The following ASPH variants were observed in gnomAD, a reference collection of about 807,000 sequenced individuals.
ASPH encodes aspartate beta-hydroxylase, also known as aspartyl/asparaginyl beta-hydroxylase.
A neutral mutation model predicts 118.4 loss-of-function variants in ASPH; 100 were observed. The ratio of observed to expected loss-of-function variants is 0.84; its 90% CI spans 0.72 to 1.00. The LOEUF is 1.00. Among genes scored for constraint, ASPH ranks in the 50% least tolerant of loss-of-function variants. ASPH has a pLI of 0.00. For synonymous variants in ASPH, 315 were observed against 325.6 expected (o/e 0.97, Z 0.35); for missense variants, 920 against 919.5 (o/e 1.00, Z -0.01).
At chr8:61,700,453 T>C (rs996848682) in intron 1 of ASPH, among the ~76,000 whole-genome samples, 29 of 152,328 alleles carry the variant, frequency 1.9e-4, no homozygotes, top group African/African-American at 7.0e-4. Context: ...GTCCCAAAGA[T>C]GGTCAAGATC....
chr8:61,565,801 G>C (rs1177404912), intron 17 of ASPH, among the ~76,000 whole-genome samples: 1 of 152,234 alleles, frequency 6.6e-6, no homozygotes, highest in Non-Finnish European at 1.5e-5. Context: ...TACACCTACT[G>C]TGTTGTTAGG....
rs1376097349 is a variant in ASPH at position 61,562,895 on chromosome 8, A to T, written c.1301-15T>A. 6.4e-7 allele frequency: 1 copy of T among 1,559,586 alleles called. No homozygotes were observed. The highest frequency in any genetic ancestry group is 8.6e-7 in the Non-Finnish European group (1 of 1,160,110). ...TCTCATATGACCTGAGTAGGTGGGA[A>T]TTTAAAAAAAATAGAAATAAAAACA... On this transcript the variant is annotated splice_polypyrimidine_tract_variant and intron_variant, in intron 17 of 24. Transcript: ENST00000379454.
intron 1 of ASPH, among the ~76,000 whole-genome samples, chr8:61,685,989 G>T (rs181588137): frequency 2.6e-5 from 4 of 152,018 alleles, no homozygotes; most frequent in African/African-American, 4.8e-5. Context: ...GGCTGGTCTT[G>T]AACTCCTGAC....
rs1852011539 is a variant in ASPH at position 61,624,433 on chromosome 8, C to T, written c.935-5414G>A. On this transcript the variant is annotated intron_variant, in intron 13 of 24. Coordinates refer to ENST00000379454, the MANE Select transcript of ASPH (RefSeq NM_004318.4). ...GGTATTCCTTTGTGATTTTAGTTATCAAAAATGCTATAATCTTCTAAAATA... is the reference window on the plus strand; with the variant it reads ...GGTATTCCTTTGTGATTTTAGTTATTAAAAATGCTATAATCTTCTAAAATA... 11 of 984,008 alleles carry T rather than the reference C, an allele frequency of 1.1e-5. No individual in the cohort carries two copies. In the South Asian group the frequency reaches 5.2e-4, roughly 46 times the overall value. The allele number at this position is 984,008 out of a possible 1,614,324, so 61.0% of individuals were successfully genotyped here. A position where few individuals can be genotyped will look rare whatever the true frequency, so the allele number is the denominator to read the frequency against.
intron 4 of ASPH, among the ~76,000 whole-genome samples, chr8:61,653,157 C>T (rs537335377): frequency 2.0e-5 from 3 of 152,074 alleles, no homozygotes; most frequent in African/African-American, 4.8e-5. Flanking sequence ...TTAAAATAAA[C>T]GAGACCCTCA....
chr8:61,643,618 A>G (rs1806372343), intron 8 of ASPH, among the ~76,000 whole-genome samples, 185 bp from the exon 9 acceptor site: 1 of 152,232 alleles, frequency 6.6e-6, no homozygotes. Context: ...AAAGATAGGA[A>G]AGAGTAGAAA....
intron 5 of ASPH, among the ~76,000 whole-genome samples, chr8:61,647,955 C>A (rs1397874390): frequency 1.3e-5 from 2 of 152,110 alleles, no homozygotes; most frequent in Admixed American, 6.6e-5. Context: ...AGCAGAGTAT[C>A]TCCTGTGTAT....
intron 13 of ASPH, among the ~76,000 whole-genome samples, chr8:61,627,227 A>G (rs973891257): frequency 2.0e-5 from 3 of 152,354 alleles, no homozygotes; most frequent in African/African-American, 7.2e-5. Context: ...GTCCATTAAC[A>G]GTGATTAAAA....
chr8:61,590,297 C>A (rs1300291468), intron 14 of ASPH, among the ~76,000 whole-genome samples: 1 of 152,024 alleles, frequency 6.6e-6, no homozygotes, highest in Non-Finnish European at 1.5e-5. Flanking sequence ...AGTGCTTGCT[C>A]TGGGAGTATA....
At chr8:61,510,366 A>T (rs1808363076) in intron 24 of ASPH, among the ~76,000 whole-genome samples, 1 of 152,184 alleles carries the variant, frequency 6.6e-6, no homozygotes, top group Non-Finnish European at 1.5e-5. Context: ...TAACACTAAA[A>T]TCTGAAATAA....
chr8:61,566,187 T>G (rs1831612410), intron 17 of ASPH, among the ~76,000 whole-genome samples: 1 of 152,326 alleles, frequency 6.6e-6, no homozygotes, highest in Non-Finnish European at 1.5e-5. Context: ...TATTTAAATG[T>G]CACAATATAA....
chr8:61,613,407 A>G (rs933675943), intron 14 of ASPH, among the ~76,000 whole-genome samples: 1 of 152,158 alleles, frequency 6.6e-6, no homozygotes, highest in Non-Finnish European at 1.5e-5. Context: ...ATCTATTTCT[A>G]TATCTATACA....
chr8:61,600,567 C>T (rs1026498018), intron 14 of ASPH, among the ~76,000 whole-genome samples: 2 of 151,130 alleles, frequency 1.3e-5, no homozygotes, highest in Non-Finnish European at 2.9e-5. Flanking sequence ...AAATCAGTAG[C>T]ATTTCTATAC....
intron 14 of ASPH, among the ~76,000 whole-genome samples, chr8:61,594,639 C>A (rs957000630): frequency 6.6e-6 from 1 of 152,098 alleles, no homozygotes; most frequent in African/African-American, 2.4e-5. Flanking sequence ...AGAGGGAGAC[C>A]ACATTCATAT....
chr8:61,623,564 T>C (rs1851693849), intron 13 of ASPH: 3 of 152,230 alleles, frequency 2.0e-5, no homozygotes, highest in Admixed American at 6.5e-5. Flanking sequence ...CATTTTTCCA[T>C]TTTTGCTTTG....
At chr8:61,656,592 A>C (rs1336116448) in intron 3 of ASPH, 2 of 152,254 alleles carry the variant, frequency 1.3e-5, no homozygotes, top group African/African-American at 4.8e-5. Flanking sequence ...ATGTATGGTG[A>C]ATAGATACTG....
intron 24 of ASPH, 180 bp downstream of exon 24, chr8:61,517,348 C>A (rs1347991020): frequency 3.5e-6 from 3 of 866,016 alleles, no homozygotes; most frequent in African/African-American, 1.7e-5. Context: ...TGGGCAATGT[C>A]TCCAGGCTAA....
chr8:61,606,648 T>G (rs1293381738), intron 14 of ASPH: 1 of 152,122 alleles, frequency 6.6e-6, no homozygotes, highest in African/African-American at 2.4e-5. Flanking sequence ...GAAGCAGGAA[T>G]GGGACAAAGA....
At chr8:61,684,355 CAG>C in intron 1 of ASPH, 167 bp from the exon 2 acceptor site, 3 of 746,034 alleles carry the variant, frequency 4.0e-6, no homozygotes, top group Non-Finnish European at 6.1e-6. Flanking sequence ...TTTCTGAAAA[CAG>C]AAAAGATTGT....
Sources: gnomAD v4.1 joint callset for allele counts (sites outside exome capture counted in the v4.1 genomes callset) on GRCh38, gnomAD v4.1.1 for gene constraint, MANE v1.5 for transcripts, NCBI Gene and HGNC (gene_info 2026-07-23, HGNC 2026-07-21) for gene names.